SDCCAG8: variants seen among roughly 807,000 people sequenced by gnomAD.
The protein encoded by SDCCAG8 is serologically defined colon cancer antigen 8.
In SDCCAG8, 74 loss-of-function variants were observed where a neutral mutation model predicts 101.8. The ratio of observed to expected loss-of-function variants is 0.73; its 90% CI spans 0.60 to 0.88. SDCCAG8 has a LOEUF of 0.88. SDCCAG8 is among the 40% of genes least tolerant of loss of function. SDCCAG8 has a pLI of 0.00. For synonymous variants in SDCCAG8, 281 were observed against 292.9 expected, an observed-to-expected ratio of 0.96 and a Z score of 0.41; for missense variants, 787 against 822.6, an observed-to-expected ratio of 0.96 and a Z score of 0.53.
chr1:243,453,790 C>T (rs12028447), intron 16 of SDCCAG8, among the ~76,000 whole-genome samples: 18,619 of 152,094 alleles, frequency 0.12, 1,177 homozygotes, highest in African/African-American at 0.15. Flanking sequence ...ATATATAATA[C>T]CAGGACTGAG....
chr1:243,293,337 G>C (rs562427450), intron 6 of SDCCAG8, 118 bp downstream of exon 6: 4 of 1,061,794 alleles, frequency 3.8e-6, no homozygotes, highest in African/African-American at 3.2e-5. Flanking sequence ...ATTTTTAAGC[G>C]TACAGTTTAT....
chr1:243,294,500 A>AG (rs2070625249), intron 6 of SDCCAG8, among the ~76,000 whole-genome samples: 14 of 141,806 alleles, frequency 9.9e-5, no homozygotes, highest in South Asian at 2.4e-4. Context: ...AGAGAGAGAG[A>AG]AAGAGCGAGA....
intron 16 of SDCCAG8, chr1:243,476,001 C>A: frequency 1.0e-6 from 1 of 985,496 alleles, no homozygotes; most frequent in Non-Finnish European, 1.2e-6. Context: ...AGCCCTCCAG[C>A]AGGCCTAATC....
At chr1:243,465,345 A>G (rs1449004426) in intron 16 of SDCCAG8, among the ~76,000 whole-genome samples, 1 of 152,280 alleles carries the variant, frequency 6.6e-6, no homozygotes, top group Admixed American at 6.5e-5. Context: ...AGCTGGAGGC[A>G]GTAGCGAGCC....
intron 15 of SDCCAG8, among the ~76,000 whole-genome samples, chr1:243,423,405 C>T (rs1001510113): frequency 2.6e-5 from 4 of 151,976 alleles, no homozygotes; most frequent in African/African-American, 7.2e-5. Context: ...GAGATTATAC[C>T]GTATATACAG....
At chr1:243,485,123 G>C (rs557473189) in intron 16 of SDCCAG8, among the ~76,000 whole-genome samples, 1 of 152,234 alleles carries the variant, frequency 6.6e-6, no homozygotes, top group South Asian at 2.1e-4. Context: ...AACTCAGTGA[G>C]TTAACCACCA....
At chr1:243,453,664 T>C (rs1025331301) in intron 16 of SDCCAG8, among the ~76,000 whole-genome samples, 2 of 152,230 alleles carry the variant, frequency 1.3e-5, no homozygotes, top group African/African-American at 2.4e-5. Flanking sequence ...GTTCGGTTGA[T>C]AGAATAACTG....
At chr1:243,358,954 T>C (rs1205975798) in intron 12 of SDCCAG8, among the ~76,000 whole-genome samples, 2 of 152,306 alleles carry the variant, frequency 1.3e-5, no homozygotes, top group South Asian at 2.1e-4. Flanking sequence ...AGGTCTGAAA[T>C]TGGGGACAAA....
At chr1:243,475,641 T>C (rs1359994863) in intron 16 of SDCCAG8, among the ~76,000 whole-genome samples, 1 of 152,196 alleles carries the variant, frequency 6.6e-6, no homozygotes, top group Non-Finnish European at 1.5e-5. Context: ...CCAAGGCTTA[T>C]GCACACAGAG....
intron 6 of SDCCAG8, among the ~76,000 whole-genome samples, chr1:243,294,506 CGA>C (rs74162272): frequency 9.4e-6 from 1 of 105,880 alleles, no homozygotes; most frequent in African/African-American, 3.2e-5. Context: ...AGAGAAAGAG[CGA>C]GAGAGAGAGA....
chr1:243,287,617 T>C (rs1191191688), intron 5 of SDCCAG8, among the ~76,000 whole-genome samples: 1 of 152,096 alleles, frequency 6.6e-6, no homozygotes, highest in African/African-American at 2.4e-5. Context: ...TTCCTGAAGA[T>C]TTGTATAATT....
At chr1:243,454,499 T>A (rs921823683) in intron 16 of SDCCAG8, among the ~76,000 whole-genome samples, 1 of 152,024 alleles carries the variant, frequency 6.6e-6, no homozygotes, top group Non-Finnish European at 1.5e-5. Context: ...ACAGCCCCCG[T>A]GCACCACAGC....
intron 17 of SDCCAG8, among the ~76,000 whole-genome samples, chr1:243,493,928 A>G (rs73120368): frequency 0.01 from 1,581 of 152,060 alleles, 35 homozygotes; most frequent in African/African-American, 0.035. Context: ...CTCAGGGAGC[A>G]AGACTCCCTG....
At chr1:243,368,572 C>T (rs771827455) in intron 12 of SDCCAG8, among the ~76,000 whole-genome samples, 3 of 152,140 alleles carry the variant, frequency 2.0e-5, no homozygotes, top group Non-Finnish European at 2.9e-5. Context: ...CTGAACAAAA[C>T]ATAGAAACAT....
chr1:243,316,496 C>T (rs2073246607), intron 8 of SDCCAG8, among the ~76,000 whole-genome samples: 2 of 152,160 alleles, frequency 1.3e-5, no homozygotes, highest in African/African-American at 2.4e-5. Context: ...GGGCTTTCCC[C>T]TGCAGCCCTC....
rs929968539 is a variant in SDCCAG8 at position 243,474,370 on chromosome 1, T to G, written c.1986-14644T>G. Among the ~76,000 whole-genome samples the G allele has an allele frequency of 6.6e-6, 1 of 152,084 alleles. No homozygotes were observed. Among genetic ancestry groups the G allele is most frequent in the African/African-American group, 2.4e-5 (1 of 41,426 alleles). On this transcript the variant is annotated intron_variant, in intron 16 of 17. Transcript: ENST00000366541. The surrounding 1 kb of genome is among the most constrained non-coding windows in gnomAD (Gnocchi z 4.7). ...CCGTGGAGTCGCCTGAGCCAGATGC[T>G]CCGCACCCAGCCTCCCCAAGCCCCG... is the stretch of plus-strand genomic sequence containing the variant.
chr1:243,261,947 G>GA (rs1180303652), intron 1 of SDCCAG8, among the ~76,000 whole-genome samples: 8 of 149,856 alleles, frequency 5.3e-5, no homozygotes, highest in Non-Finnish European at 1.0e-4. Flanking sequence ...GAGTAGCTGG[G>GA]TTACAGGCAC....
chr1:243,451,395 A>G (rs1216516055), intron 16 of SDCCAG8, among the ~76,000 whole-genome samples: 4 of 152,202 alleles, frequency 2.6e-5, no homozygotes, highest in South Asian at 4.1e-4. Context: ...TCCTGGGTGC[A>G]TTCCCAACTT....
chr1:243,270,135 CAT>C lies in SDCCAG8; in HGVS notation c.99_100del (p.Ala35ProfsTer18), dbSNP rs1033766338. 3 of 1,614,090 alleles carry C rather than the reference CAT, an allele frequency of 1.9e-6. No individual in the cohort carries two copies. Among genetic ancestry groups the C allele is most frequent in the Non-Finnish European group, 2.5e-6 (3 of 1,180,046 alleles). On this transcript the variant is annotated frameshift_variant, in exon 2 of 18. Coordinates refer to ENST00000366541, the MANE Select transcript of SDCCAG8 (RefSeq NM_006642.5). LOFTEE classifies it high-confidence loss of function. ...GCCAGCAGAAGCATTCACCAACTGA[CAT>C]GTGCCCTGAAAGAAGGCGATGTCAC...
Sources: allele counts gnomAD v4.1 joint callset (sites outside exome capture counted in the v4.1 genomes callset), GRCh38; gene constraint gnomAD v4.1.1; non-coding constraint Gnocchi (gnomAD v3.1); transcripts MANE v1.5; gene names NCBI Gene and HGNC (gene_info 2026-07-23, HGNC 2026-07-21).